ZNF184: variants seen among roughly 807,000 people sequenced by gnomAD.
ZNF184 encodes zinc finger protein 184, also known as zinc finger protein 184 (Kruppel-like).
ZNF184 carries 16 observed loss-of-function variants against 54.4 expected under a neutral mutation model. That is an observed-to-expected ratio of 0.29 (90% CI 0.20 to 0.45). The LOEUF (loss-of-function observed/expected upper bound fraction) is 0.45, where lower values mean the gene tolerates loss of function less well. Among genes scored for constraint, ZNF184 ranks in the 20% least tolerant of loss-of-function variants. The probability of loss-of-function intolerance (pLI) is 1.00; values close to 1 mark genes in which losing one functional copy is unlikely to be tolerated. For synonymous variants in ZNF184, 254 were observed against 295.3 expected (o/e 0.86, Z 1.43); for missense variants, 681 against 888.2 (o/e 0.77, Z 2.97).
At position 27,452,159 on chromosome 6, in the gene ZNF184, A is replaced by G; in HGVS notation, c.1400T>C (p.Ile467Thr). Residue 467 changes from isoleucine (I) to threonine (T), a missense_variant, in exon 6 of 6, where the codon ATT becomes ACT. Ile to Thr is a moderately conservative substitution (Grantham distance 89). Transcript: ENST00000683788. This position sits in a 1 kb window ranked among gnomAD's most constrained non-coding sequence, Gnocchi z 5.5. ...YWSSLAQHLK[I>T]HTGEKPYKCN... ...TTTGTAAGGTTTTTCTCCAGTATGAATTTTCAGGTGTTGAGCAAGGGATGA... is the reference window on the plus strand; with the variant it reads ...TTTGTAAGGTTTTTCTCCAGTATGAGTTTTCAGGTGTTGAGCAAGGGATGA... 1 of 1,613,982 alleles carries G rather than the reference A, an allele frequency of 6.2e-7. No individual in the cohort carries two copies. The highest frequency in any genetic ancestry group is 8.5e-7 in the Non-Finnish European group (1 of 1,179,996).
the ZNF184 span, among the ~76,000 whole-genome samples, chr6:27,443,262 C>A: frequency 4.6e-5 from 7 of 152,102 alleles, no homozygotes; most frequent in Admixed American, 4.6e-4. Flanking sequence ...GAGGTAGGTG[C>A]CCTTTTTGCT....
the ZNF184 span, among the ~76,000 whole-genome samples, chr6:27,441,742 C>T: frequency 3.3e-5 from 5 of 152,260 alleles, no homozygotes; most frequent in Admixed American, 2.0e-4. Context: ...GGCCTTGAAA[C>T]TAGATGTTGT....
chr6:27,465,016 C>CA (rs61602778), intron 3 of ZNF184, among the ~76,000 whole-genome samples: 2,386 of 48,900 alleles, frequency 0.049, 324 homozygotes, highest in African/African-American at 0.056. Context: ...GACTCTGTCT[C>CA]AAAAAAAAAA....
chr6:27,451,211 C>T lies in ZNF184; in HGVS notation c.*92G>A, dbSNP rs1444811625. ...AGTGAAAATTTAAAAGATTTCAAGG[C>T]AGTTTCTAAATCCACTCTGATTCTT... is the stretch of plus-strand genomic sequence containing the variant. On this transcript the variant is annotated 3_prime_UTR_variant, in exon 6 of 6. Transcript: ENST00000683788. 2 of 1,412,204 alleles carry T rather than the reference C, an allele frequency of 1.4e-6. No homozygotes were observed. The highest frequency in any genetic ancestry group is 4.6e-5 in the East Asian group (2 of 43,242). The allele number at this position is 1,412,204 out of a possible 1,614,324, so 87.5% of individuals were successfully genotyped here. A position where few individuals can be genotyped will look rare whatever the true frequency, so the allele number is the denominator to read the frequency against.
chr6:27,404,524 T>G, the ZNF184 span: 108,183 of 151,970 alleles, frequency 0.71, 38,699 homozygotes, highest in Middle Eastern at 0.82. Flanking sequence ...CAGAAGAAAC[T>G]CTCTTTGTAG....
chr6:27,446,129 T>C (rs1581569445), downstream of ZNF184, among the ~76,000 whole-genome samples: 2 of 152,230 alleles, frequency 1.3e-5, no homozygotes, highest in Non-Finnish European at 2.9e-5. Context: ...AGTGACTTTT[T>C]ACTAAGGAGA....
chr6:27,424,036 G>A, the ZNF184 span, among the ~76,000 whole-genome samples: 1 of 152,142 alleles, frequency 6.6e-6, no homozygotes, highest in South Asian at 2.1e-4. Flanking sequence ...GAACCCTCGC[G>A]GTGAGCGTTA....
At chr6:27,424,602 G>A in the ZNF184 span, among the ~76,000 whole-genome samples, 19 of 152,182 alleles carry the variant, frequency 1.2e-4, no homozygotes, top group Non-Finnish European at 1.9e-4. Flanking sequence ...ACAGAGTGTC[G>A]ATTGGTGCAT....
At chr6:27,404,728 C>T in the ZNF184 span, 4 of 152,176 alleles carry the variant, frequency 2.6e-5, no homozygotes, top group African/African-American at 9.7e-5. Flanking sequence ...AAAAGTATAG[C>T]ACTAAAGGCC....
the ZNF184 span, among the ~76,000 whole-genome samples, chr6:27,425,711 T>G: frequency 6.6e-6 from 1 of 152,216 alleles, no homozygotes; most frequent in Non-Finnish European, 1.5e-5. Context: ...TTCAGGTCGT[T>G]CTTGGTCACT....
chr6:27,444,461 A>G, the ZNF184 span, among the ~76,000 whole-genome samples: 1 of 152,146 alleles, frequency 6.6e-6, no homozygotes, highest in Non-Finnish European at 1.5e-5. Flanking sequence ...GGATTCAAAC[A>G]TACTATAACA....
the ZNF184 span, among the ~76,000 whole-genome samples, chr6:27,413,828 T>C: frequency 6.6e-6 from 1 of 152,208 alleles, no homozygotes; most frequent in Non-Finnish European, 1.5e-5. Context: ...TGTGGATCCA[T>C]GCTAAGTTTA....
the ZNF184 span, among the ~76,000 whole-genome samples, chr6:27,442,707 GAGA>G: frequency 8.1e-6 from 1 of 122,860 alleles, no homozygotes; most frequent in African/African-American, 3.1e-5. Context: ...GAAACAGAGA[GAGA>G]GAAAGAAGGA....
the ZNF184 span, among the ~76,000 whole-genome samples, chr6:27,440,091 A>G: frequency 6.6e-5 from 10 of 152,208 alleles, no homozygotes; most frequent in African/African-American, 2.2e-4. Flanking sequence ...CACTCTTATC[A>G]TTGCCTATTT....
At chr6:27,423,291 T>C in the ZNF184 span, among the ~76,000 whole-genome samples, 3 of 152,224 alleles carry the variant, frequency 2.0e-5, no homozygotes, top group Non-Finnish European at 4.4e-5. Context: ...GCTGTCTCTG[T>C]AGTGGGTCTC....
At chr6:27,438,217 T>G in the ZNF184 span, among the ~76,000 whole-genome samples, 4 of 152,204 alleles carry the variant, frequency 2.6e-5, no homozygotes, top group Non-Finnish European at 5.9e-5. Flanking sequence ...TTAGTACAGG[T>G]GACATTTCAT....
the ZNF184 span, among the ~76,000 whole-genome samples, chr6:27,415,661 A>T: frequency 6.6e-6 from 1 of 152,192 alleles, no homozygotes; most frequent in Non-Finnish European, 1.5e-5. Context: ...TTCCTTTGAA[A>T]TACAGGGACT....
At chr6:27,414,967 C>T in the ZNF184 span, among the ~76,000 whole-genome samples, 2 of 152,302 alleles carry the variant, frequency 1.3e-5, no homozygotes, top group Admixed American at 6.5e-5. Context: ...ATCATTTAAT[C>T]TCTTTGAGGC....
intron 3 of ZNF184, among the ~76,000 whole-genome samples, chr6:27,460,870 C>A (rs894723246): frequency 6.6e-6 from 1 of 152,172 alleles, no homozygotes; most frequent in Admixed American, 6.5e-5. Context: ...CTGGTTGGCT[C>A]ATTCCTTGCT....
Sources: allele counts gnomAD v4.1 joint callset (sites outside exome capture counted in the v4.1 genomes callset), GRCh38; gene constraint gnomAD v4.1.1; non-coding constraint Gnocchi (gnomAD v3.1); transcripts MANE v1.5; gene names NCBI Gene and HGNC (gene_info 2026-07-23, HGNC 2026-07-21).